The following ABCA2 variants were observed in gnomAD, a reference collection of about 807,000 sequenced individuals.
ABCA2 encodes ATP binding cassette subfamily A member 2.
ABCA2 carries 84 observed loss-of-function variants against 262.8 expected under a neutral mutation model. The observed-to-expected ratio is 0.32, with a 90% CI of 0.27 to 0.38. ABCA2 has a LOEUF of 0.38. Among genes scored for constraint, ABCA2 ranks in the 10% least tolerant of loss-of-function variants. The pLI is 1.00. For synonymous variants in ABCA2, 1,696 were observed against 1,502.9 expected, an observed-to-expected ratio of 1.13 and a Z score of -2.97; for missense variants, 2,662 against 3,405.9, an observed-to-expected ratio of 0.78 and a Z score of 5.44.
rs749120138 is a variant in ABCA2 at position 137,022,450 on chromosome 9, G to A, written c.468C>T (p.Ala156=). 10 of 1,611,988 alleles carry A rather than the reference G, an allele frequency of 6.2e-6. No homozygotes were observed. The South Asian group carries it at 6.6e-5, about 11-fold the overall frequency. ...AACGCCAGAGCTCCTGCGGGTTTCT[G>A]GCCACCGAGTCCAGAGAGAAGGAAG... ...TVSSFSLDSV[A]RNPQELWRFL... The change falls in exon 6 of 49, where the codon GCC becomes GCT. Residue 156 remains alanine, a synonymous_variant. Coordinates refer to ENST00000341511, the MANE Select transcript of ABCA2 (RefSeq NM_001606.5).
rs1207847507 is a variant in ABCA2 at position 137,015,887 on chromosome 9, G to T, written c.3318-16C>A. On this transcript the variant is annotated splice_polypyrimidine_tract_variant and intron_variant, in intron 22 of 48. Coordinates refer to ENST00000341511, the MANE Select transcript of ABCA2 (RefSeq NM_001606.5). Reference sequence around the variant, plus strand: ...CTCGATCATCCTGGGACAGGGAGGTGGGGCATGGGGCTGCTGCTATGCAGA... The same window carrying T: ...CTCGATCATCCTGGGACAGGGAGGTTGGGCATGGGGCTGCTGCTATGCAGA... 2 of 1,607,446 alleles carry T rather than the reference G, an allele frequency of 1.2e-6. No individual in the cohort carries two copies. The highest frequency in any genetic ancestry group is 1.7e-6 in the Non-Finnish European group (2 of 1,176,062).
intron 46 of ABCA2, 32 bp from the exon 47 acceptor site, chr9:137,008,900 G>GCCCCCCCCCCCCCCCTCCCCCC (rs59031144): frequency 6.5e-7 from 1 of 1,535,814 alleles, no homozygotes; most frequent in Non-Finnish European, 8.8e-7. Flanking sequence ...GCCTGGCAGC[G>GCCCCCCCCCCCCCCCTCCCCCC]CCCCCCCACC....
Position 137,014,894 on chromosome 9 carries a change from G to A in ABCA2, c.3882+19C>T, listed in dbSNP as rs377173413. 3.4e-5 allele frequency: 54 copies of A among 1,578,268 alleles called. No homozygotes were observed. Among genetic ancestry groups the A allele is most frequent in the East Asian group, 9.1e-5 (4 of 44,192 alleles). ...CCTCCACCACCTGCAACTGCCCCCCGACCCGTGCGCCCTCACACCTGGAAG... is the reference window on the plus strand; with the variant it reads ...CCTCCACCACCTGCAACTGCCCCCCAACCCGTGCGCCCTCACACCTGGAAG... On this transcript the variant is annotated intron_variant, in intron 25 of 48. Transcript: ENST00000341511.
In ABCA2 at chr9:137,007,825, C is replaced by A; in HGVS notation, c.*104G>T. On this transcript the variant is annotated 3_prime_UTR_variant, in exon 49 of 49. Coordinates refer to ENST00000341511, the MANE Select transcript of ABCA2 (RefSeq NM_001606.5). ...GCCCCTTGGTCCTGAACCTCCACTC[C>A]AGGCCCTGGCAGGCACTGGGGGACT... 6.7e-7 allele frequency: 1 copy of A among 1,496,236 alleles called. No individual in the cohort carries two copies. The highest frequency in any genetic ancestry group is 1.2e-5 in the South Asian group (1 of 84,762). 92.7% of individuals were successfully genotyped at this position (1,496,236 alleles called of 1,614,324 possible). A position where few individuals can be genotyped will look rare whatever the true frequency, so the allele number is the denominator to read the frequency against.
Position 137,012,157 on chromosome 9 carries a change from T to A in ABCA2, c.5305A>T (p.Thr1769Ser), listed in dbSNP as rs1564214685. Residue 1769 changes from threonine to serine, a missense_variant, in exon 34 of 49, where the codon ACC becomes TCC. This residue lies in a region of ABCA2 where 602 missense variants were observed against 897.4 expected (regional missense o/e 0.67). Coordinates refer to ENST00000341511, the MANE Select transcript of ABCA2 (RefSeq NM_001606.5). ...SKGNPAAYGI[T>S]VTNHPMNKTS... ...TTATTCATGGGGTGGTTGGTGACGG[T>A]GATGCCTGCACACGGCGGGGCGGGG... 1.2e-6 allele frequency: 2 copies of A among 1,612,132 alleles called. No individual in the cohort carries two copies. The highest frequency in any genetic ancestry group is 1.7e-6 in the Non-Finnish European group (2 of 1,179,768).
In ABCA2 at chr9:137,017,978, G is replaced by C. The variant is rs749784451; in HGVS notation, c.2091C>G (p.Arg697=). The C allele has an allele frequency of 8.1e-6, 13 of 1,612,708 alleles. No homozygotes were observed. In the African/African-American group the frequency reaches 1.6e-4, roughly 20 times the overall value. Residue 697 remains arginine, a synonymous_variant, in exon 15 of 49, where the codon CGC becomes CGG. Transcript: ENST00000341511. ...VQMFPYPCYT[R]DDFLFVIEHM... is the part of the protein sequence containing the mutation. Reference sequence around the variant, plus strand: ...CCCGGGCGCCCAGCACTCACTCATCGCGTGTGTAGCAGGGGTAGGGGAACA... The same window carrying C: ...CCCGGGCGCCCAGCACTCACTCATCCCGTGTGTAGCAGGGGTAGGGGAACA...
In ABCA2 at chr9:137,015,842, T is replaced by C. The variant is rs1831239143; in HGVS notation, c.3347A>G (p.Lys1116Arg). 1 of 1,610,636 alleles carries C rather than the reference T, an allele frequency of 6.2e-7. No homozygotes were observed. The highest frequency in any genetic ancestry group is 1.3e-5 in the African/African-American group (1 of 74,884). The change falls in exon 23 of 49, where the codon AAA (lysine) becomes AGA (arginine). Residue 1116 changes from lysine (K) to arginine (R), a missense_variant. Coordinates refer to ENST00000341511, the MANE Select transcript of ABCA2 (RefSeq NM_001606.5). ...CAATGTCTGCACCAGTGAGTGCCGT[T>C]TGTTGGAGAGCTCCAGGTCCTCGAT... is the stretch of plus-strand genomic sequence containing the variant. ...KMIEDLELSNKRHSLVQTLSG... is the reference protein window; with the variant it reads ...KMIEDLELSNRRHSLVQTLSG...
chr9:137,009,845 C>T lies in ABCA2; in HGVS notation c.6554G>A (p.Gly2185Asp), dbSNP rs1588506283. ...CCGCTTGTTGCCGCCGCTGTAGGTG[C>T]CAGCCGGCTTGTCTGCGTACTTGGT... Reference protein sequence around the residue: ...ELTKYADKPAGTYSGGNKRKL... With the variant: ...ELTKYADKPADTYSGGNKRKL... The change falls in exon 43 of 49, where the codon GGC (glycine) becomes GAC (aspartate). Residue 2185 changes from glycine to aspartate, a missense_variant. Gly to Asp is a moderately conservative substitution (Grantham distance 94). Coordinates refer to ENST00000341511, the MANE Select transcript of ABCA2 (RefSeq NM_001606.5). 6.2e-7 allele frequency: 1 copy of T among 1,612,530 alleles called. No individual in the cohort carries two copies. Among genetic ancestry groups the T allele is most frequent in the Non-Finnish European group, 8.5e-7 (1 of 1,179,768 alleles).
rs758468761 is a variant in ABCA2, at chr9:137,021,598, C to G, written c.691G>C (p.Ala231Pro). The G allele has an allele frequency of 3.0e-5, 46 of 1,555,542 alleles. 1 individual carries two copies. In the African/African-American group the frequency reaches 3.5e-4, roughly 12 times the overall value. Residue 231 changes from alanine (A) to proline (P), a missense_variant, in exon 8 of 49, where the codon GCT becomes CCT. This residue lies in a region of ABCA2 where 403 missense variants were observed against 375.9 expected (regional missense o/e 1.07). Transcript: ENST00000341511. This position sits in a 1 kb window ranked among gnomAD's most constrained non-coding sequence, Gnocchi z 6.0. ...GTGAGCTGCTCCAGGAGGGCAGGAGCCAGCAGCAGCTCCTGGGATGGGCAC... is the reference window on the plus strand; with the variant it reads ...GTGAGCTGCTCCAGGAGGGCAGGAGGCAGCAGCAGCTCCTGGGATGGGCAC... ...PLFRMEELLL[A>P]PALLEQLTCT...
chr9:137,019,032 G>A lies in ABCA2; in HGVS notation c.1593C>T (p.Asn531=). The A allele has an allele frequency of 3.1e-6, 5 of 1,612,530 alleles. No individual in the cohort carries two copies. The highest frequency in any genetic ancestry group is 4.2e-6 in the Non-Finnish European group (5 of 1,179,616). The part of the protein sequence containing the change: ...AELRLHPEAL[N]LSLDELPPAL... ...CCGGCGGCAGCTCATCCAGTGACAG[G>A]TTCAGTGCCTCGGGGTGCAGCCGCA... Residue 531 remains asparagine, a synonymous_variant, in exon 12 of 49, where the codon AAC becomes AAT. Coordinates refer to ENST00000341511, the MANE Select transcript of ABCA2 (RefSeq NM_001606.5). This position sits in a 1 kb window ranked among gnomAD's most constrained non-coding sequence, Gnocchi z 4.4.
chr9:137,025,124 C>T (rs1831609962), intron 1 of ABCA2, among the ~76,000 whole-genome samples: 1 of 152,240 alleles, frequency 6.6e-6, no homozygotes, highest in South Asian at 2.1e-4. Flanking sequence ...GGCAGCCAGT[C>T]TTGGGCCTTG....
Position 137,011,941 on chromosome 9 carries a change from A to G in ABCA2, c.5438T>C (p.Phe1813Ser). ...MSFVPASFVV[F>S]LVAEKSTKAK... ...CTTGGTGGACTTCTCGGCCACGAGGAAGACAACGAAGCTGGCCGGCACGAA... is the reference window on the plus strand; with the variant it reads ...CTTGGTGGACTTCTCGGCCACGAGGGAGACAACGAAGCTGGCCGGCACGAA... Residue 1813 changes from phenylalanine to serine, a missense_variant, in exon 35 of 49, where the codon TTC (phenylalanine) becomes TCC (serine). Phe to Ser is a radical substitution (Grantham distance 155, BLOSUM62 -2). Around this residue, in one of 12 missense-constraint regions of ABCA2, gnomAD observed 602 missense variants for 897.4 expected, o/e 0.67. Transcript: ENST00000341511. The surrounding 1 kb of genome is among the most constrained non-coding windows in gnomAD (Gnocchi z 8.8). 6.2e-7 allele frequency: 1 copy of G among 1,612,716 alleles called. No homozygotes were observed. Among genetic ancestry groups the G allele is most frequent in the African/African-American group, 1.3e-5 (1 of 75,054 alleles).
upstream of ABCA2, chr9:137,028,827 G>A: frequency 7.6e-7 from 1 of 1,311,560 alleles, no homozygotes; most frequent in African/African-American, 1.6e-5. The surrounding 1 kb of genome is among the most constrained non-coding windows in gnomAD (Gnocchi z 6.9). Flanking sequence ...GAGCAGGCAG[G>A]GGACCGAGGC....
At position 137,014,264 on chromosome 9, in the gene ABCA2, C is replaced by G; in HGVS notation, c.4144G>C (p.Ala1382Pro). The G allele has an allele frequency of 6.2e-7, 1 of 1,611,176 alleles. No individual in the cohort carries two copies. The highest frequency in any genetic ancestry group is 2.2e-5 in the East Asian group (1 of 44,826). Residue 1382 changes from alanine (A) to proline (P), a missense_variant, in exon 27 of 49, where the codon GCC becomes CCC. Transcript: ENST00000341511. The stretch of plus-strand genomic sequence containing the variant: ...TAGCCAGCTCCCTCGTCGCCACGGG[C>G]AGAGCCCACAGATGACGCCGACTGC... The part of the protein sequence containing the change: ...SLQSASSVGS[A>P]RGDEGAGYTD...
chr9:137,019,326 G>A lies in ABCA2; in HGVS notation c.1426-20C>T, dbSNP rs756154310. On this transcript the variant is annotated intron_variant, in intron 10 of 48. Coordinates refer to ENST00000341511, the MANE Select transcript of ABCA2 (RefSeq NM_001606.5). This position sits in a 1 kb window ranked among gnomAD's most constrained non-coding sequence, Gnocchi z 4.4. ...GTTGGCCTGCAGGGGGTGAGGCAGG[G>A]GCATGGAGTTTCTGGACGGACCCCC... 2 of 1,611,266 alleles carry A rather than the reference G, an allele frequency of 1.2e-6. No homozygotes were observed. The highest frequency in any genetic ancestry group is 1.7e-5 in the Admixed American group (1 of 59,888).
chr9:137,023,263 G>C, intron 3 of ABCA2: 1 of 632,882 alleles, frequency 1.6e-6, no homozygotes, highest in Non-Finnish European at 2.9e-6. Context: ...GCAGGTCAGA[G>C]GTCAAAGAGC....
chr9:137,024,040 G>C, intron 2 of ABCA2, 103 bp downstream of exon 2: 1 of 1,514,096 alleles, frequency 6.6e-7, no homozygotes, highest in South Asian at 1.3e-5. Context: ...GCACCTCAGG[G>C]ACTCCGGGAG....
At chr9:137,015,281 C>G in intron 24 of ABCA2, 133 bp downstream of exon 24, 1 of 1,245,900 alleles carries the variant, frequency 8.0e-7, no homozygotes, top group South Asian at 1.5e-5. Context: ...TTGCAGAGGG[C>G]GGGCCAGGCC....
In ABCA2 at chr9:137,017,781, G is replaced by T. The variant is rs376185473; in HGVS notation, c.2211+6C>A. 4 of 1,612,118 alleles carry T rather than the reference G, an allele frequency of 2.5e-6. No homozygotes were observed. The highest frequency in any genetic ancestry group is 1.3e-5 in the African/African-American group (1 of 74,918). On this transcript the variant is annotated splice_donor_region_variant and intron_variant, in intron 16 of 48. Coordinates refer to ENST00000341511, the MANE Select transcript of ABCA2 (RefSeq NM_001606.5). ...GCGCCTCCAGGGAGAGTCCCGGCCCGCGCACCTCCTTGAGCCGGTGCTCCT... is the reference window on the plus strand; with the variant it reads ...GCGCCTCCAGGGAGAGTCCCGGCCCTCGCACCTCCTTGAGCCGGTGCTCCT...
Sources: allele counts gnomAD v4.1 joint callset (sites outside exome capture counted in the v4.1 genomes callset), GRCh38; gene constraint gnomAD v4.1.1; regional missense constraint gnomAD v4.1.1; non-coding constraint Gnocchi (gnomAD v3.1); transcripts MANE v1.5; gene names NCBI Gene and HGNC (gene_info 2026-07-23, HGNC 2026-07-21).